TRPC4: variants seen among roughly 807,000 people sequenced by gnomAD.
TRPC4 encodes the protein transient receptor potential cation channel subfamily C member 4.
Under a neutral mutation model 99.4 loss-of-function variants are expected in TRPC4, and 49 were observed. The ratio of observed to expected loss-of-function variants is 0.49; its 90% confidence interval spans 0.39 to 0.63. The LOEUF is 0.63. TRPC4 is among the 20% of genes least tolerant of loss of function. The probability of loss-of-function intolerance (pLI) is 0.00; values close to 1 mark genes in which losing one functional copy is unlikely to be tolerated. For missense variants in TRPC4, 898 were observed against 1,152.9 expected (o/e 0.78, Z 3.20); for synonymous variants, 454 against 425.9 (o/e 1.07, Z -0.81).
chr13:37,792,391 A>C (rs75858259), intron 1 of TRPC4, among the ~76,000 whole-genome samples: 2,260 of 152,246 alleles, frequency 0.015, 34 homozygotes, highest in East Asian at 0.09. Context: ...GAAGGTTTTT[A>C]GGAATATATT....
intron 2 of TRPC4, among the ~76,000 whole-genome samples, chr13:37,773,145 G>T (rs1352221966): frequency 2.0e-5 from 3 of 151,718 alleles, no homozygotes; most frequent in East Asian, 3.9e-4. Context: ...AGCATGGAAA[G>T]AACTCTCTAT....
At chr13:37,684,274 A>G (rs556588348) in intron 4 of TRPC4, among the ~76,000 whole-genome samples, 9 of 152,320 alleles carry the variant, frequency 5.9e-5, no homozygotes, top group Non-Finnish European at 1.3e-4. Flanking sequence ...GAAGGCATCT[A>G]AAAATGCTTA....
intron 1 of TRPC4, among the ~76,000 whole-genome samples, chr13:37,859,937 T>C (rs1044108027): frequency 2.7e-5 from 4 of 150,762 alleles, no homozygotes; most frequent in Non-Finnish European, 4.5e-5. Context: ...CATGTGTTGG[T>C]GCATAGAAAT....
At chr13:37,674,669 C>T (rs1200398872) in intron 4 of TRPC4, among the ~76,000 whole-genome samples, 1 of 152,006 alleles carries the variant, frequency 6.6e-6, no homozygotes, top group East Asian at 1.9e-4. Context: ...ATATATTTCC[C>T]TTGGAAAATA....
At chr13:37,860,502 T>C (rs1176026091) in intron 1 of TRPC4, among the ~76,000 whole-genome samples, 3 of 151,480 alleles carry the variant, frequency 2.0e-5, no homozygotes, top group Non-Finnish European at 3.0e-5. Flanking sequence ...TTTAAGCCTT[T>C]CTTCATATAA....
intron 3 of TRPC4, among the ~76,000 whole-genome samples, chr13:37,720,154 T>A (rs1179998855): frequency 6.6e-6 from 1 of 152,102 alleles, no homozygotes; most frequent in East Asian, 1.9e-4. Flanking sequence ...CACGCCAAGA[T>A]CTCAATTTTA....
intron 2 of TRPC4, among the ~76,000 whole-genome samples, chr13:37,758,274 T>A (rs917099975): frequency 6.6e-6 from 1 of 151,816 alleles, no homozygotes; most frequent in South Asian, 2.1e-4. Context: ...AAAATAATTG[T>A]TAGTATGTTG....
intron 3 of TRPC4, among the ~76,000 whole-genome samples, chr13:37,698,403 C>T (rs914715191): frequency 2.0e-4 from 30 of 151,390 alleles, no homozygotes; most frequent in Admixed American, 8.6e-4. Flanking sequence ...CCTCGTGATC[C>T]GCCTGCCTCA....
intron 4 of TRPC4, among the ~76,000 whole-genome samples, chr13:37,686,091 C>T (rs1392615902): frequency 6.6e-6 from 1 of 151,986 alleles, no homozygotes; most frequent in East Asian, 1.9e-4. Flanking sequence ...AGCACCACGA[C>T]AAGGGAGGAG....
At chr13:37,793,251 G>A (rs1019813782) in intron 1 of TRPC4, among the ~76,000 whole-genome samples, 1 of 152,108 alleles carries the variant, frequency 6.6e-6, no homozygotes, top group Non-Finnish European at 1.5e-5. Flanking sequence ...AGAAATGACT[G>A]TGGAAGGCAC....
rs188990254 is a variant in TRPC4, at chr13:37,700,956, C to T, written c.898-8621G>A. On this transcript the variant is annotated intron_variant, in intron 3 of 10. Transcript: ENST00000379705. ...CTTAAAAAAGATAACAATAATAATA[C>T]TCTGTTTTTTAATGATCTGTTAATT... 3.4e-4 allele frequency among the ~76,000 whole-genome samples: 51 copies of T among 152,122 alleles called. 1 individual carries two copies. Among genetic ancestry groups the T allele is most frequent in the Admixed American group, 2.6e-4 (4 of 15,266 alleles).
chr13:37,778,091 G>C (rs1002765165), intron 2 of TRPC4, among the ~76,000 whole-genome samples: 1 of 152,064 alleles, frequency 6.6e-6, no homozygotes, highest in Non-Finnish European at 1.5e-5. Flanking sequence ...TACATCCAGA[G>C]ACTTCTTAAA....
chr13:37,655,020 A>C, intron 7 of TRPC4, 68 bp downstream of exon 7: 1 of 1,173,518 alleles, frequency 8.5e-7, no homozygotes, highest in Non-Finnish European at 1.1e-6. Flanking sequence ...TGATAAGAAG[A>C]TGGAGTATAG....
chr13:37,762,338 A>G (rs930332255), intron 2 of TRPC4, among the ~76,000 whole-genome samples: 15 of 151,828 alleles, frequency 9.9e-5, no homozygotes, highest in Non-Finnish European at 7.4e-5. Flanking sequence ...AACTAGAAAT[A>G]CCATTTGACC....
intron 1 of TRPC4, among the ~76,000 whole-genome samples, chr13:37,805,965 G>A (rs532078883): frequency 9.1e-4 from 138 of 151,972 alleles, no homozygotes; most frequent in African/African-American, 3.2e-3. Flanking sequence ...AAACAGAATT[G>A]GGAAGAATCA....
chr13:37,736,735 C>A lies in TRPC4; in HGVS notation c.897+9202G>T, dbSNP rs371484814. On this transcript the variant is annotated intron_variant, in intron 3 of 10. Coordinates refer to ENST00000379705, the MANE Select transcript of TRPC4 (RefSeq NM_016179.4). ...AGACTTAAGAAAAACAAACTTTTTT[C>A]TTTTTCTTTTTGAGACAGGGTCTCA... is the stretch of plus-strand genomic sequence containing the variant. 8.2e-4 allele frequency among the ~76,000 whole-genome samples: 124 copies of A among 151,638 alleles called. 1 individual carries two copies. In the South Asian group the frequency reaches 0.024, roughly 29 times the overall value.
chr13:37,650,561 C>A (rs1394422467), intron 8 of TRPC4, among the ~76,000 whole-genome samples: 1 of 151,518 alleles, frequency 6.6e-6, no homozygotes, highest in South Asian at 2.1e-4. Flanking sequence ...CGCCCCCTCA[C>A]CTTTCTCTCT....
intron 2 of TRPC4, among the ~76,000 whole-genome samples, chr13:37,781,737 T>C (rs1956847637): frequency 6.6e-6 from 1 of 151,922 alleles, no homozygotes; most frequent in Admixed American, 6.6e-5. Context: ...TGCTGTGGAG[T>C]GCTGTTTTAT....
At chr13:37,802,602 T>C (rs946788871) in intron 1 of TRPC4, among the ~76,000 whole-genome samples, 1 of 152,102 alleles carries the variant, frequency 6.6e-6, no homozygotes, top group African/African-American at 2.4e-5. Flanking sequence ...ACTGGTGATA[T>C]TAACCTTGAT....
Sources: gnomAD v4.1 joint callset for allele counts (sites outside exome capture counted in the v4.1 genomes callset) on GRCh38, gnomAD v4.1.1 for gene constraint, MANE v1.5 for transcripts, NCBI Gene and HGNC (gene_info 2026-07-23, HGNC 2026-07-21) for gene names.